EIF3E: variants seen among roughly 807,000 people sequenced by gnomAD.
The protein encoded by EIF3E is eukaryotic translation initiation factor 3 subunit E.
A neutral mutation model predicts 59.3 loss-of-function variants in EIF3E; 25 were observed. The ratio of observed to expected loss-of-function variants is 0.42; its 90% CI spans 0.31 to 0.59. The LOEUF (loss-of-function observed/expected upper bound fraction) is 0.59. EIF3E is among the 20% of genes least tolerant of loss of function. EIF3E has a pLI of 0.15. For synonymous variants in EIF3E, 176 were observed against 170.2 expected (o/e 1.03, Z -0.26); for missense variants, 317 against 534.3 (o/e 0.59, Z 4.01).
chr8:108,202,906 C>CA, intron 12 of EIF3E, 77 bp downstream of exon 12: 1 of 1,464,788 alleles, frequency 6.8e-7, no homozygotes, highest in Non-Finnish European at 9.1e-7. Flanking sequence ...TACAACTCAT[C>CA]AATACACTTT....
intron 4 of EIF3E, among the ~76,000 whole-genome samples, chr8:108,235,582 G>A (rs912427972): frequency 2.6e-5 from 4 of 152,148 alleles, no homozygotes; most frequent in Non-Finnish European, 5.9e-5. Flanking sequence ...CTGGGAGTTG[G>A]GGACTCCTTA....
intron 1 of EIF3E, among the ~76,000 whole-genome samples, chr8:108,243,127 G>A (rs994337746): frequency 2.6e-5 from 4 of 152,022 alleles, no homozygotes; most frequent in Non-Finnish European, 5.9e-5. Context: ...ATTAACATTC[G>A]GCACTGAAAA....
In EIF3E at chr8:108,236,151, A is replaced by G. The variant is rs1472300385; in HGVS notation, c.366+10T>C. ...ACATGACAACTTTAAAATATTTTTA[A>G]AACACTTACACCATGCTTGTCCGCC... On this transcript the variant is annotated intron_variant, in intron 4 of 12. Transcript: ENST00000220849. The G allele has an allele frequency of 6.2e-7, 1 of 1,602,446 alleles. No individual in the cohort carries two copies.
intron 7 of EIF3E, chr8:108,227,315 C>T (rs1815534078): frequency 6.6e-6 from 1 of 151,568 alleles, no homozygotes. Flanking sequence ...CACAGCCAGA[C>T]ATTATCTAAA....
chr8:108,221,040 A>C (rs531077221), intron 7 of EIF3E, among the ~76,000 whole-genome samples: 13 of 152,108 alleles, frequency 8.5e-5, no homozygotes, highest in South Asian at 2.1e-4. Context: ...ACAGACAGGA[A>C]AGGACAGGAC....
chr8:108,201,262 T>C lies in EIF3E; in HGVS notation c.*623A>G, dbSNP rs1253833070. ...ATTAACTACTGATCATATATATATATATATCTATCTCTCAACTTGGATGGC... is the reference window on the plus strand; with the variant it reads ...ATTAACTACTGATCATATATATATACATATCTATCTCTCAACTTGGATGGC... On this transcript the variant is annotated 3_prime_UTR_variant, in exon 13 of 13. Coordinates refer to ENST00000220849, the MANE Select transcript of EIF3E (RefSeq NM_001568.3). 2 of 138,354 alleles carry C rather than the reference T, an allele frequency of 1.4e-5. 1 individual carries two copies. The highest frequency in any genetic ancestry group is 6.4e-5 in the African/African-American group (2 of 31,186). 8.6% of individuals were successfully genotyped at this position (138,354 alleles called of 1,614,324 possible).
At chr8:108,240,967 G>C (rs148482236) in intron 2 of EIF3E, among the ~76,000 whole-genome samples, 3,024 of 140,588 alleles carry the variant, frequency 0.022, 86 homozygotes, top group African/African-American at 0.072. Context: ...GCAACACAGC[G>C]AGACTCCATC....
At chr8:108,203,308 T>C (rs1815030690) in intron 11 of EIF3E, 93 bp downstream of exon 11, 3 of 1,326,752 alleles carry the variant, frequency 2.3e-6, no homozygotes, top group East Asian at 4.7e-5. Context: ...ACAAAATAAA[T>C]TATTAAAGGA....
chr8:108,226,556 T>G (rs1815520442), intron 7 of EIF3E, among the ~76,000 whole-genome samples: 1 of 152,212 alleles, frequency 6.6e-6, no homozygotes, highest in African/African-American at 2.4e-5. Flanking sequence ...TAAGAAGCAC[T>G]GGCTGGTAAA....
Position 108,235,115 on chromosome 8 carries a change from A to T in EIF3E, c.367-13T>A, listed in dbSNP as rs762968688. The T allele has an allele frequency of 1.3e-6, 2 of 1,488,506 alleles. No individual in the cohort carries two copies. Among genetic ancestry groups the T allele is most frequent in the Non-Finnish European group, 1.8e-6 (2 of 1,101,128 alleles). 92.2% of individuals were successfully genotyped at this position (1,488,506 alleles called of 1,614,324 possible). Reference sequence around the variant, plus strand: ...ATTCCTGCCTAAACTAAAAAGAAAAAAAAAAGATTAAGTTCTCTTTAATTT... The same window carrying T: ...ATTCCTGCCTAAACTAAAAAGAAAATAAAAAGATTAAGTTCTCTTTAATTT... On this transcript the variant is annotated splice_polypyrimidine_tract_variant and intron_variant, in intron 4 of 12. Coordinates refer to ENST00000220849, the MANE Select transcript of EIF3E (RefSeq NM_001568.3).
chr8:108,228,195 A>G, intron 7 of EIF3E, 72 bp downstream of exon 7: 2 of 1,402,842 alleles, frequency 1.4e-6, no homozygotes, highest in African/African-American at 1.5e-5. Flanking sequence ...AGAAAAAAGT[A>G]TATTTTAAGT....
At chr8:108,212,918 C>A (rs937161960) in intron 10 of EIF3E, among the ~76,000 whole-genome samples, 4 of 151,696 alleles carry the variant, frequency 2.6e-5, no homozygotes, top group Non-Finnish European at 4.4e-5. Flanking sequence ...AATGCTACTA[C>A]TAGAAAAAAA....
intron 1 of EIF3E, among the ~76,000 whole-genome samples, chr8:108,243,670 T>C (rs1815889538): frequency 6.6e-6 from 1 of 150,714 alleles, no homozygotes; most frequent in African/African-American, 2.4e-5. Flanking sequence ...AGGATGTCTG[T>C]AATGTTTTAT....
chr8:108,212,633 C>G (rs1454768665), intron 10 of EIF3E, among the ~76,000 whole-genome samples: 1 of 152,180 alleles, frequency 6.6e-6, no homozygotes, highest in Non-Finnish European at 1.5e-5. Flanking sequence ...GAAACCCCAT[C>G]TCTACTAAAA....
At chr8:108,236,508 C>A (rs1393156406) in intron 3 of EIF3E, among the ~76,000 whole-genome samples, 1 of 152,148 alleles carries the variant, frequency 6.6e-6, no homozygotes, top group Non-Finnish European at 1.5e-5. Context: ...AAGATTCTGA[C>A]TATTTCTAGT....
In EIF3E at chr8:108,241,874, G is replaced by C. The variant is rs1815842460; in HGVS notation, c.130C>G (p.Leu44Val). The C allele has an allele frequency of 6.2e-7, 1 of 1,600,320 alleles. No individual in the cohort carries two copies. The highest frequency in any genetic ancestry group is 8.5e-7 in the Non-Finnish European group (1 of 1,175,960). ...EKELLQGKLD[L>V]LSDTNMVDFA... ...TCTACCATGTTGGTATCACTAAGAA[G>C]GTCCAATTTACCTTGTAATAATTCC... Residue 44 changes from leucine (L) to valine (V), a missense_variant, in exon 2 of 13, where the codon CTT becomes GTT. This residue lies in a region of EIF3E where 242 missense variants were observed against 398.0 expected (regional missense o/e 0.61). Transcript: ENST00000220849.
At chr8:108,228,144 A>C in intron 7 of EIF3E, 123 bp downstream of exon 7, 1 of 1,111,726 alleles carries the variant, frequency 9.0e-7, no homozygotes, top group East Asian at 2.7e-5. Context: ...AATCTACTAC[A>C]TGAAGAAAAA....
intron 3 of EIF3E, among the ~76,000 whole-genome samples, chr8:108,237,241 T>C (rs1815750722): frequency 6.6e-6 from 1 of 152,118 alleles, no homozygotes; most frequent in Non-Finnish European, 1.5e-5. Flanking sequence ...TTGCCCACCT[T>C]ATGAGCATTT....
intron 7 of EIF3E, among the ~76,000 whole-genome samples, chr8:108,220,728 A>G (rs577406914): frequency 2.0e-5 from 3 of 152,342 alleles, no homozygotes; most frequent in Admixed American, 1.3e-4. Flanking sequence ...CTCAACTCAG[A>G]GCAACTGTTC....
Sources: allele counts gnomAD v4.1 joint callset (sites outside exome capture counted in the v4.1 genomes callset), GRCh38; gene constraint gnomAD v4.1.1; regional missense constraint gnomAD v4.1.1; transcripts MANE v1.5; gene names NCBI Gene and HGNC (gene_info 2026-07-23, HGNC 2026-07-21).